Variants in SPOCK3 observed in about 807,000 individuals in gnomAD.
SPOCK3 encodes the protein SPARC (osteonectin), cwcv and kazal like domains proteoglycan 3.
A neutral mutation model predicts 56.6 loss-of-function variants in SPOCK3; 30 were observed. That is an observed-to-expected ratio of 0.53 (90% CI 0.40 to 0.72). SPOCK3 has a LOEUF of 0.72. Ranked by LOEUF, SPOCK3 falls within the 30% of genes least tolerant of loss-of-function variation. The pLI, the probability that SPOCK3 is intolerant of heterozygous loss-of-function variation, is 0.00. For missense variants in SPOCK3, 527 were observed against 530.0 expected (o/e 0.99, Z 0.06); for synonymous variants, 196 against 183.3 (o/e 1.07, Z -0.56).
At chr4:166,792,514 T>C (rs1741466469) in intron 6 of SPOCK3, among the ~76,000 whole-genome samples, 1 of 152,196 alleles carries the variant, frequency 6.6e-6, no homozygotes, top group South Asian at 2.1e-4. Flanking sequence ...CTACTTGTGC[T>C]CTTCATTAGA....
intron 3 of SPOCK3, among the ~76,000 whole-genome samples, chr4:167,018,671 A>C (rs1201489007): frequency 6.6e-6 from 1 of 151,844 alleles, no homozygotes; most frequent in Non-Finnish European, 1.5e-5. Context: ...TGGCTAGTCA[A>C]TTTTTACTAC....
Position 166,785,647 on chromosome 4 carries a change from T to TGTCTTTG in SPOCK3, c.709+6522_709+6523insCAAAGAC, listed in dbSNP as rs1553968940. On this transcript the variant is annotated intron_variant, in intron 7 of 10. Coordinates refer to ENST00000357545, the MANE Select transcript of SPOCK3 (RefSeq NM_001040159.2). The stretch of plus-strand genomic sequence containing the variant: ...GGTATGTGAAGCTAGAAAATCCCCC[T>TGTCTTTG]TTCTTTGTAGAACTATATTCCACTT... Among the ~76,000 whole-genome samples, 11 of 152,016 alleles carry TGTCTTTG rather than the reference T, an allele frequency of 7.2e-5. No individual in the cohort carries two copies. The East Asian group carries it at 1.9e-3, about 27-fold the overall frequency.
chr4:167,046,646 T>C (rs902995179), intron 3 of SPOCK3, among the ~76,000 whole-genome samples: 3 of 151,562 alleles, frequency 2.0e-5, no homozygotes, highest in Non-Finnish European at 1.5e-5. Context: ...TTAGTAGAGA[T>C]GAAGTTTCAC....
At chr4:167,192,730 A>T (rs1732580316) in intron 2 of SPOCK3, among the ~76,000 whole-genome samples, 1 of 145,158 alleles carries the variant, frequency 6.9e-6, no homozygotes, top group Admixed American at 7.1e-5. Flanking sequence ...CGACGTAGGT[A>T]TTTATCACTA....
intron 6 of SPOCK3, among the ~76,000 whole-genome samples, chr4:166,806,886 T>C (rs1206660901): frequency 6.6e-6 from 1 of 151,998 alleles, no homozygotes; most frequent in African/African-American, 2.4e-5. Flanking sequence ...ATATACTGTG[T>C]TTTTGTATAC....
chr4:166,859,088 C>T (rs554032981), intron 6 of SPOCK3, among the ~76,000 whole-genome samples: 21 of 152,222 alleles, frequency 1.4e-4, no homozygotes, highest in Admixed American at 3.9e-4. Flanking sequence ...CATTGTGTTA[C>T]AATTGTCTAC....
At chr4:166,880,587 G>C (rs1036230882) in intron 6 of SPOCK3, among the ~76,000 whole-genome samples, 8 of 152,082 alleles carry the variant, frequency 5.3e-5, no homozygotes, top group Non-Finnish European at 1.0e-4. Flanking sequence ...AAAACACTGT[G>C]TCCAATATTG....
At chr4:166,830,421 G>A (rs1292861674) in intron 6 of SPOCK3, among the ~76,000 whole-genome samples, 4 of 151,900 alleles carry the variant, frequency 2.6e-5, no homozygotes, top group Non-Finnish European at 5.9e-5. Context: ...TTCATTAAAG[G>A]AACCATTCTT....
chr4:166,987,443 G>A (rs34904028), intron 4 of SPOCK3, among the ~76,000 whole-genome samples: 13,023 of 152,018 alleles, frequency 0.086, 611 homozygotes, highest in Middle Eastern at 0.12. Context: ...ATTATATTGC[G>A]TATTGTTTGA....
At chr4:166,747,023 A>T (rs545074815) in intron 8 of SPOCK3, among the ~76,000 whole-genome samples, 232 of 152,332 alleles carry the variant, frequency 1.5e-3, no homozygotes, top group Middle Eastern at 6.8e-3. Flanking sequence ...GTCCAGGACC[A>T]GATGGATTCA....
chr4:166,806,978 A>G (rs1235664423), intron 6 of SPOCK3, among the ~76,000 whole-genome samples: 2 of 152,066 alleles, frequency 1.3e-5, no homozygotes, highest in East Asian at 3.9e-4. Flanking sequence ...AAATAAAATT[A>G]TTATAATATA....
chr4:167,018,669 C>G (rs1750880727), intron 3 of SPOCK3, among the ~76,000 whole-genome samples: 1 of 152,008 alleles, frequency 6.6e-6, no homozygotes, highest in African/African-American at 2.4e-5. Flanking sequence ...TCTGGCTAGT[C>G]AATTTTTACT....
intron 2 of SPOCK3, among the ~76,000 whole-genome samples, chr4:167,203,495 T>C (rs893226140): frequency 2.6e-5 from 4 of 151,630 alleles, no homozygotes; most frequent in Admixed American, 2.6e-4. Flanking sequence ...ACCCAATATT[T>C]GTCACTGAAA....
chr4:167,128,324 C>T (rs980707050), intron 2 of SPOCK3, among the ~76,000 whole-genome samples: 3 of 152,140 alleles, frequency 2.0e-5, no homozygotes, highest in African/African-American at 7.2e-5. Context: ...GGCTTTTTAC[C>T]CTTCATCTTA....
At chr4:166,825,758 G>A (rs1334164330) in intron 6 of SPOCK3, among the ~76,000 whole-genome samples, 1 of 152,086 alleles carries the variant, frequency 6.6e-6, no homozygotes, top group Admixed American at 6.6e-5. Flanking sequence ...GGATGGAGCT[G>A]GAAGCCATTA....
intron 2 of SPOCK3, among the ~76,000 whole-genome samples, chr4:167,225,439 G>A (rs1736495772): frequency 6.6e-6 from 1 of 152,006 alleles, no homozygotes; most frequent in Non-Finnish European, 1.5e-5. Context: ...TGGGAGAAAT[G>A]ACATGACTGC....
At chr4:167,123,482 G>A (rs901837830) in intron 2 of SPOCK3, among the ~76,000 whole-genome samples, 8 of 151,656 alleles carry the variant, frequency 5.3e-5, no homozygotes, top group African/African-American at 1.7e-4. Flanking sequence ...GTTAAAATGT[G>A]TAGATCTGCA....
intron 8 of SPOCK3, among the ~76,000 whole-genome samples, chr4:166,743,369 T>C (rs758211471): frequency 3.3e-5 from 5 of 152,114 alleles, no homozygotes; most frequent in Middle Eastern, 3.4e-3. Context: ...CGTAACAAAG[T>C]GGAATAAAGA....
chr4:166,881,837 G>A (rs757764522), intron 6 of SPOCK3, among the ~76,000 whole-genome samples: 81 of 152,080 alleles, frequency 5.3e-4, no homozygotes, highest in Non-Finnish European at 7.9e-4. Flanking sequence ...GGATTTCACA[G>A]AAGATCTAAA....
Sources: allele counts gnomAD v4.1 joint callset (sites outside exome capture counted in the v4.1 genomes callset), GRCh38; gene constraint gnomAD v4.1.1; transcripts MANE v1.5; gene names NCBI Gene and HGNC (gene_info 2026-07-23, HGNC 2026-07-21).